SLC35D2: variants seen among roughly 807,000 people sequenced by gnomAD.
SLC35D2 encodes the protein solute carrier family 35 member D2.
SLC35D2 carries 43 observed loss-of-function variants against 41.8 expected under a neutral mutation model. The observed-to-expected ratio is 1.03, with a 90% CI of 0.81 to 1.33. The LOEUF is 1.33. SLC35D2 is among the 40% of genes most tolerant of loss of function. SLC35D2 has a pLI of 0.00. For missense variants in SLC35D2, 380 were observed against 408.4 expected, an observed-to-expected ratio of 0.93 and a Z score of 0.60; for synonymous variants, 150 against 163.9, an observed-to-expected ratio of 0.92 and a Z score of 0.65.
At chr9:96,347,529 A>G (rs1471008208) in intron 6 of SLC35D2, among the ~76,000 whole-genome samples, 5 of 152,294 alleles carry the variant, frequency 3.3e-5, no homozygotes, top group Middle Eastern at 3.4e-3. Context: ...ATGTGCCACC[A>G]TGCCCGGCTA....
intron 4 of SLC35D2, among the ~76,000 whole-genome samples, chr9:96,354,509 G>A (rs1009844779): frequency 6.6e-6 from 1 of 152,198 alleles, no homozygotes; most frequent in African/African-American, 2.4e-5. Context: ...GCTCACGCCT[G>A]TAATCCCAAC....
At chr9:96,354,721 C>T (rs574452724) in intron 4 of SLC35D2, among the ~76,000 whole-genome samples, 26 of 134,370 alleles carry the variant, frequency 1.9e-4, no homozygotes, top group African/African-American at 3.9e-4. Context: ...TAGCCAAGAT[C>T]GCACCACTAC....
Position 96,383,589 on chromosome 9 carries a change from G to C in SLC35D2, c.46C>G (p.Pro16Ala). The C allele has an allele frequency of 6.9e-7, 1 of 1,440,378 alleles. No homozygotes were observed. Among genetic ancestry groups the C allele is most frequent in the Non-Finnish European group, 9.1e-7 (1 of 1,095,030 alleles). The allele number at this position is 1,440,378 out of a possible 1,614,324, so 89.2% of individuals were successfully genotyped here. ...CGCGAGGGCAGCCGCGCCGCGCCGG[G>C]CTCCCCGCCAGCGCCCTCGGCCTCG... ...QAEAEGAGGE[P>A]GAARLPSRVA... The change falls in exon 1 of 12, where the codon CCC (proline) becomes GCC (alanine). Residue 16 changes from proline (P) to alanine (A), a missense_variant. Coordinates refer to ENST00000253270, the MANE Select transcript of SLC35D2 (RefSeq NM_007001.3).
chr9:96,364,456 T>A lies in SLC35D2; in HGVS notation c.279+8A>T, dbSNP rs1174120713. ...CTATCACAGTCATACATACTTTTCATTACTTACCTTTACAGGAATTTTCTT... is the reference window on the plus strand; with the variant it reads ...CTATCACAGTCATACATACTTTTCAATACTTACCTTTACAGGAATTTTCTT... On this transcript the variant is annotated splice_region_variant and intron_variant, in intron 3 of 11. Transcript: ENST00000253270. The A allele has an allele frequency of 6.7e-7, 1 of 1,495,902 alleles. No homozygotes were observed. Among genetic ancestry groups the A allele is most frequent in the Non-Finnish European group, 9.3e-7 (1 of 1,074,832 alleles). 92.7% of individuals were successfully genotyped at this position (1,495,902 alleles called of 1,614,324 possible).
intron 1 of SLC35D2, among the ~76,000 whole-genome samples, chr9:96,379,211 G>A (rs1831088437): frequency 6.6e-6 from 1 of 151,838 alleles, no homozygotes; most frequent in African/African-American, 2.4e-5. Flanking sequence ...GGAGGCTGAG[G>A]TGGGAAGATC....
At chr9:96,321,442 G>A in intron 11 of SLC35D2, 101 bp from the exon 12 acceptor site, 1 of 747,544 alleles carries the variant, frequency 1.3e-6, no homozygotes, top group East Asian at 2.6e-5. Context: ...TTCATGCGGA[G>A]GGAATTATTC....
intron 1 of SLC35D2, among the ~76,000 whole-genome samples, chr9:96,368,985 AAACTC>A (rs1341923612): frequency 3.3e-5 from 5 of 152,028 alleles, no homozygotes; most frequent in Non-Finnish European, 7.4e-5. Context: ...GGCTGGTCTC[AAACTC>A]TTGACCTCAA....
downstream of SLC35D2, among the ~76,000 whole-genome samples, chr9:96,316,602 G>A (rs530651217): frequency 3.0e-4 from 46 of 152,254 alleles, no homozygotes; most frequent in African/African-American, 1.1e-3. Context: ...TTCCCTGACA[G>A]TCTGCATTTC....
downstream of SLC35D2, among the ~76,000 whole-genome samples, chr9:96,319,662 T>C (rs1382747047): frequency 4.6e-5 from 7 of 152,096 alleles, no homozygotes; most frequent in Admixed American, 6.5e-5. Context: ...TGCGCCACCA[T>C]GCCTGGCTAA....
chr9:96,315,572 T>C lies in SLC35D2; in HGVS notation c.*1036-673A>G, dbSNP rs1828032964. On this transcript the variant is annotated intron_variant and NMD_transcript_variant, in intron 11 of 11. Transcript: ENST00000650065. ...CCTCAGCCTCCCGAGTAGCTGGGACTACAGGTGCCTGCCACCACGCCCAGC... is the reference window on the plus strand; with the variant it reads ...CCTCAGCCTCCCGAGTAGCTGGGACCACAGGTGCCTGCCACCACGCCCAGC... 3.3e-5 allele frequency among the ~76,000 whole-genome samples: 5 copies of C among 152,126 alleles called. 1 individual carries two copies. The Middle Eastern group carries it at 0.017, about 517-fold the overall frequency.
chr9:96,373,426 C>A (rs1022874770), intron 1 of SLC35D2, among the ~76,000 whole-genome samples: 6 of 152,062 alleles, frequency 3.9e-5, no homozygotes, highest in African/African-American at 1.2e-4. Flanking sequence ...TGGTAGCTTA[C>A]ACCTGTAATT....
chr9:96,327,025 C>T (rs1431945232), intron 9 of SLC35D2, among the ~76,000 whole-genome samples: 1 of 152,164 alleles, frequency 6.6e-6, no homozygotes, highest in East Asian at 1.9e-4. Flanking sequence ...GCCACTCAGA[C>T]CCAGATCAGA....
At chr9:96,372,687 C>T (rs1404546897) in intron 1 of SLC35D2, among the ~76,000 whole-genome samples, 1 of 142,826 alleles carries the variant, frequency 7.0e-6, no homozygotes, top group Non-Finnish European at 1.5e-5. Context: ...CAGGGTCAAG[C>T]GATTCTCCTG....
chr9:96,325,171 G>A (rs7858295), intron 9 of SLC35D2, among the ~76,000 whole-genome samples: 5,385 of 152,220 alleles, frequency 0.035, 320 homozygotes, highest in African/African-American at 0.12. Flanking sequence ...GTGGATGAGC[G>A]CCAGACAAGA....
At chr9:96,364,884 CT>C (rs1485611616) in intron 2 of SLC35D2, among the ~76,000 whole-genome samples, 5 of 151,568 alleles carry the variant, frequency 3.3e-5, no homozygotes, top group African/African-American at 1.2e-4. Flanking sequence ...GAAATCCTGT[CT>C]TTACTAAAAA....
intron 4 of SLC35D2, among the ~76,000 whole-genome samples, chr9:96,355,672 T>G (rs1388881364): frequency 1.3e-5 from 2 of 151,948 alleles, no homozygotes; most frequent in African/African-American, 4.8e-5. Context: ...AATTTTTGTA[T>G]TTTTAGTAGA....
At chr9:96,336,529 T>C (rs1829057912) in intron 9 of SLC35D2, among the ~76,000 whole-genome samples, 188 bp downstream of exon 9, 1 of 152,210 alleles carries the variant, frequency 6.6e-6, no homozygotes, top group Non-Finnish European at 1.5e-5. Flanking sequence ...GTATGCTTGT[T>C]CCTGGTCTTT....
Position 96,324,269 on chromosome 9 carries a change from G to A in SLC35D2, c.753-100C>T, listed in dbSNP as rs553309549. On this transcript the variant is annotated intron_variant, in intron 9 of 11. Transcript: ENST00000253270. ...TGACCCCCACACAAGCACTTTAAGC[G>A]AAGAAAAAAGAAACACATATCATAA... 2.2e-5 allele frequency: 18 copies of A among 818,970 alleles called. No individual in the cohort carries two copies. The East Asian group carries it at 3.1e-4, about 14-fold the overall frequency. The allele number at this position is 818,970 out of a possible 1,614,324, so 50.7% of individuals were successfully genotyped here.
At chr9:96,377,177 G>A (rs1012596115) in intron 1 of SLC35D2, among the ~76,000 whole-genome samples, 5 of 151,772 alleles carry the variant, frequency 3.3e-5, no homozygotes, top group Admixed American at 6.6e-5. Context: ...GGGAGATCTC[G>A]GAGAGGTGCA....
Sources: allele counts gnomAD v4.1 joint callset (sites outside exome capture counted in the v4.1 genomes callset), GRCh38; gene constraint gnomAD v4.1.1; transcripts MANE v1.5; gene names NCBI Gene and HGNC (gene_info 2026-07-23, HGNC 2026-07-21).